KIF20B: variants seen among roughly 807,000 people sequenced by gnomAD.
KIF20B encodes the protein kinesin-like protein KIF20B.
KIF20B carries 188 observed loss-of-function variants against 232.5 expected under a neutral mutation model. The ratio of observed to expected loss-of-function variants is 0.81; its 90% CI spans 0.72 to 0.91. KIF20B has a LOEUF of 0.91. Among genes scored for constraint, KIF20B ranks in the 40% least tolerant of loss-of-function variants. The pLI, the probability that KIF20B is intolerant of heterozygous loss-of-function variation, is 0.00. For synonymous variants in KIF20B, 712 were observed against 683.0 expected (o/e 1.04, Z -0.66); for missense variants, 2,154 against 2,055.9 (o/e 1.05, Z -0.92).
intron 6 of KIF20B, 81 bp from the exon 7 acceptor site, chr10:89,713,966 T>C (rs1026078182): frequency 3.5e-6 from 2 of 578,178 alleles, no homozygotes; most frequent in African/African-American, 2.0e-5. Flanking sequence ...TAGTGACTTA[T>C]TTGGATAGGT....
rs752682372 is a variant in KIF20B, at chr10:89,725,185, A to G, written c.2001+27A>G. 1.9e-6 allele frequency: 3 copies of G among 1,609,750 alleles called. No individual in the cohort carries two copies. The South Asian group carries it at 3.3e-5, about 18-fold the overall frequency. ...TATGTTAATTGAAGTATTTAAAAAT[A>G]TCCAGTGAGGTTTTGGTACCAGGGT... On this transcript the variant is annotated intron_variant, in intron 15 of 32. Transcript: ENST00000371728.
rs962260656 is a variant in KIF20B at position 89,727,984 on chromosome 10, ATAAT to A, written c.2271+92_2271+95del. ...TGACTAGATTTGTTTATTTTAAAAA[ATAAT>A]TAAACAGTAATATAGTCTCTTGGTA... On this transcript the variant is annotated intron_variant, in intron 17 of 32. Transcript: ENST00000371728. 31 of 1,176,978 alleles carry A rather than the reference ATAAT, an allele frequency of 2.6e-5. No homozygotes were observed. The African/African-American group carries it at 3.9e-4, about 15-fold the overall frequency. 72.9% of individuals were successfully genotyped at this position (1,176,978 alleles called of 1,614,324 possible).
At chr10:89,768,205 AGCTTTTTACAAATTTTCT>A (rs1842401657) in intron 29 of KIF20B, 67 bp from the exon 30 acceptor site, 1 of 837,492 alleles carries the variant, frequency 1.2e-6, no homozygotes, top group East Asian at 2.6e-5. Context: ...GTGATAATGT[AGCTTTTTACAAATTTTCT>A]TTTTTGAGTC....
chr10:89,713,286 G>A (rs1196386370), intron 6 of KIF20B, among the ~76,000 whole-genome samples: 1 of 151,452 alleles, frequency 6.6e-6, no homozygotes, highest in African/African-American at 2.4e-5. Flanking sequence ...GCTTGAACCC[G>A]GGAGGTGGAG....
rs138883419 is a variant in KIF20B at position 89,718,812 on chromosome 10, A to G, written c.1374A>G (p.Gln458=). The G allele has an allele frequency of 2.6e-5, 42 of 1,610,094 alleles. No homozygotes were observed. In the Middle Eastern group the frequency reaches 6.6e-4, roughly 25 times the overall value. ...GKICMIVNIS[Q]CYLAYDETLN... The stretch of plus-strand genomic sequence containing the variant: ...TTTGTATGATTGTCAATATCAGCCA[A>G]TGTTATTTAGCCTATGATGAAACAC... The change falls in exon 12 of 33, where the codon CAA becomes CAG. Residue 458 remains glutamine, a synonymous_variant. Coordinates refer to ENST00000371728, the MANE Select transcript of KIF20B (RefSeq NM_001284259.2).
intron 30 of KIF20B, 47 bp from the exon 31 acceptor site, chr10:89,768,691 T>C (rs745740065): frequency 1.3e-6 from 2 of 1,519,196 alleles, no homozygotes; most frequent in Admixed American, 4.3e-5. Context: ...AACTATTTCC[T>C]TCTAACACTT....
chr10:89,713,205 C>CA (rs1459674679), intron 6 of KIF20B, among the ~76,000 whole-genome samples: 1 of 151,586 alleles, frequency 6.6e-6, no homozygotes, highest in Non-Finnish European at 1.5e-5. Context: ...ATTAAAAATA[C>CA]AAAAAATTAG....
Position 89,754,595 on chromosome 10 carries a change from A to G in KIF20B, c.4425A>G (p.Glu1475=). Reference sequence around the variant, plus strand: ...TGATGCTTATCACTCAAGCGAAAGAAGCAGAGAATATACGAAATAAAGAGA... The same window carrying G: ...TGATGCTTATCACTCAAGCGAAAGAGGCAGAGAATATACGAAATAAAGAGA... ...EKMMLITQAK[E]AENIRNKEMK... Residue 1475 remains glutamate (E), a synonymous_variant, in exon 26 of 33, where the codon GAA becomes GAG. Transcript: ENST00000371728. 1 of 1,607,460 alleles carries G rather than the reference A, an allele frequency of 6.2e-7. No individual in the cohort carries two copies. The highest frequency in any genetic ancestry group is 1.1e-5 in the South Asian group (1 of 89,294).
At position 89,738,574 on chromosome 10, in the gene KIF20B, T is replaced by G. The variant is rs1009232296; in HGVS notation, c.3733T>G (p.Leu1245Val). Residue 1245 changes from leucine (L) to valine (V), a missense_variant, in exon 20 of 33, where the codon TTA (leucine) becomes GTA (valine). Leu to Val is a conservative substitution (Grantham distance 32). Transcript: ENST00000371728. ...NLQDMKHLLQLKEEEEETNRQ... is the reference protein window; with the variant it reads ...NLQDMKHLLQVKEEEEETNRQ... Reference sequence around the variant, plus strand: ...GCAAGATATGAAACATTTACTTCAATTAAAAGAAGAAGAAGAAGAAACCAA... The same window carrying G: ...GCAAGATATGAAACATTTACTTCAAGTAAAAGAAGAAGAAGAAGAAACCAA... The G allele has an allele frequency of 1.3e-6, 2 of 1,564,230 alleles. No homozygotes were observed. The highest frequency in any genetic ancestry group is 1.7e-6 in the Non-Finnish European group (2 of 1,160,390).
intron 21 of KIF20B, among the ~76,000 whole-genome samples, chr10:89,742,428 T>G (rs1383086879): frequency 3.3e-5 from 5 of 152,216 alleles, no homozygotes; most frequent in African/African-American, 9.6e-5. Flanking sequence ...CTTGTCTAAG[T>G]TCACTCAGTA....
At chr10:89,726,216 G>T in intron 15 of KIF20B, 77 bp from the exon 16 acceptor site, 1 of 1,347,420 alleles carries the variant, frequency 7.4e-7, no homozygotes, top group Non-Finnish European at 9.6e-7. Context: ...TTTAAAAACT[G>T]TCTAAATTAG....
chr10:89,760,388 T>TAA (rs1842213050), intron 27 of KIF20B, 138 bp from the exon 28 acceptor site: 1 of 595,524 alleles, frequency 1.7e-6, no homozygotes, highest in Admixed American at 3.1e-5. Flanking sequence ...GGCTAGGTGG[T>TAA]AATTAAAGGT....
At chr10:89,755,707 G>T (rs76344721) in intron 26 of KIF20B, among the ~76,000 whole-genome samples, 1 of 151,740 alleles carries the variant, frequency 6.6e-6, no homozygotes, top group African/African-American at 2.4e-5. Context: ...AATCTTTCCA[G>T]CTCAGCCTCC....
At chr10:89,705,481 C>T (rs772328671) in intron 2 of KIF20B, 40 bp downstream of exon 2, 35 of 1,586,186 alleles carry the variant, frequency 2.2e-5, no homozygotes, top group Admixed American at 2.1e-4. Context: ...ATCATGCCTC[C>T]TTCTAATGCA....
In KIF20B at chr10:89,747,809, C is replaced by T. The variant is rs557620020; in HGVS notation, c.4096+1850C>T. ...CTAGATGACGAGTTAGTGGGTGCAG[C>T]GCACCAGCATGTCACATGTATACAT... On this transcript the variant is annotated intron_variant, in intron 23 of 32. Transcript: ENST00000371728. Among the ~76,000 whole-genome samples, 22 of 151,964 alleles carry T rather than the reference C, an allele frequency of 1.4e-4. No individual in the cohort carries two copies. In the South Asian group the frequency reaches 4.2e-3, roughly 29 times the overall value.
rs374333263 is a variant in KIF20B, at chr10:89,752,689, C to G, written c.4345C>G (p.Gln1449Glu). ...GCTCACTAATCTTCAAGATGAGTTA[C>G]AGGTATGACTTTATGTATGTTTTTA... The part of the protein sequence containing the change: ...GKLTNLQDEL[Q>E]ESEQKYNADR... Residue 1449 changes from glutamine to glutamate, a missense_variant and splice_region_variant, in exon 25 of 33, where the codon CAG becomes GAG. Coordinates refer to ENST00000371728, the MANE Select transcript of KIF20B (RefSeq NM_001284259.2). The G allele has an allele frequency of 1.3e-6, 2 of 1,557,992 alleles. No homozygotes were observed. The highest frequency in any genetic ancestry group is 1.7e-6 in the Non-Finnish European group (2 of 1,154,542).
At chr10:89,754,852 T>A (rs1842090022) in intron 26 of KIF20B, among the ~76,000 whole-genome samples, 179 bp downstream of exon 26, 1 of 152,246 alleles carries the variant, frequency 6.6e-6, no homozygotes, top group African/African-American at 2.4e-5. Flanking sequence ...GTTCTTGTTT[T>A]AACTTGTTTC....
At chr10:89,723,927 A>G (rs1419109463) in intron 13 of KIF20B, 37 bp from the exon 14 acceptor site, 5 of 1,390,196 alleles carry the variant, frequency 3.6e-6, no homozygotes, top group Non-Finnish European at 2.9e-6. Flanking sequence ...GGATATATTT[A>G]TTCTTTTATA....
At chr10:89,765,308 C>T (rs540349566) in intron 29 of KIF20B, among the ~76,000 whole-genome samples, 1 of 152,178 alleles carries the variant, frequency 6.6e-6, no homozygotes, top group South Asian at 2.1e-4. Flanking sequence ...GAATAAAATA[C>T]CTAGGAATCC....
Sources: allele counts gnomAD v4.1 joint callset (sites outside exome capture counted in the v4.1 genomes callset), GRCh38; gene constraint gnomAD v4.1.1; transcripts MANE v1.5; gene names NCBI Gene and HGNC (gene_info 2026-07-23, HGNC 2026-07-21).